The following KCNH7 variants were observed in gnomAD, a reference collection of about 807,000 sequenced individuals.
KCNH7 encodes the protein potassium voltage-gated channel subfamily H member 7, also known as voltage-gated inwardly rectifying potassium channel KCNH7.
In KCNH7, 49 loss-of-function variants were observed where a neutral mutation model predicts 120.8. The ratio of observed to expected loss-of-function variants is 0.41; its 90% CI spans 0.32 to 0.51. KCNH7 has a LOEUF of 0.51. Among genes scored for constraint, KCNH7 ranks in the 20% least tolerant of loss-of-function variants. The pLI, the probability that KCNH7 is intolerant of heterozygous loss-of-function variation, is 0.38. For synonymous variants in KCNH7, 547 were observed against 516.1 expected (o/e 1.06, Z -0.81); for missense variants, 1,097 against 1,446.6 (o/e 0.76, Z 3.92).
At position 162,504,425 on chromosome 2, in the gene KCNH7, A is replaced by C; in HGVS notation, c.1128+18T>G. The C allele has an allele frequency of 6.4e-7, 1 of 1,570,402 alleles. No homozygotes were observed. Among genetic ancestry groups the C allele is most frequent in the Non-Finnish European group, 8.8e-7 (1 of 1,141,006 alleles). ...AACCTCTAAAACAGTTGAAATTGAT[A>C]AGAAAATTGTGTCCTACCTGGGTCA... On this transcript the variant is annotated intron_variant, in intron 6 of 15. Coordinates refer to ENST00000332142, the MANE Select transcript of KCNH7 (RefSeq NM_033272.4).
intron 2 of KCNH7, among the ~76,000 whole-genome samples, chr2:162,586,406 C>T (rs1694022245): frequency 6.6e-6 from 1 of 152,098 alleles, no homozygotes; most frequent in African/African-American, 2.4e-5. Flanking sequence ...CCTGGCCATC[C>T]CAGCCATCCC....
intron 2 of KCNH7, among the ~76,000 whole-genome samples, chr2:162,541,569 C>T (rs1221095825): frequency 3.3e-5 from 5 of 152,026 alleles, no homozygotes; most frequent in Admixed American, 2.6e-4. Context: ...AGCCATTATC[C>T]TCAGCAAAGT....
intron 2 of KCNH7, among the ~76,000 whole-genome samples, chr2:162,669,402 A>T (rs1685257500): frequency 6.6e-6 from 1 of 152,238 alleles, no homozygotes. Context: ...AAGCAACAAC[A>T]GAAGCCAAAA....
intron 2 of KCNH7, among the ~76,000 whole-genome samples, chr2:162,727,135 A>G (rs1687557311): frequency 6.6e-6 from 1 of 152,204 alleles, no homozygotes; most frequent in Admixed American, 6.5e-5. Context: ...TCTTTCTCCC[A>G]TAATCTACTC....
chr2:162,819,542 T>C (rs140344605), intron 2 of KCNH7, among the ~76,000 whole-genome samples: 234 of 152,296 alleles, frequency 1.5e-3, no homozygotes, highest in African/African-American at 5.5e-3. Flanking sequence ...GAAATAGAAA[T>C]TTTAATTAAA....
At chr2:162,632,219 A>G (rs780435318) in intron 2 of KCNH7, among the ~76,000 whole-genome samples, 8 of 152,000 alleles carry the variant, frequency 5.3e-5, no homozygotes, top group Non-Finnish European at 7.4e-5. Context: ...AAGCAGGAAT[A>G]CCCAATTAGA....
At chr2:162,745,978 T>G (rs908152548) in intron 2 of KCNH7, among the ~76,000 whole-genome samples, 2 of 152,098 alleles carry the variant, frequency 1.3e-5, no homozygotes, top group Non-Finnish European at 2.9e-5. Flanking sequence ...GAAACTGATG[T>G]AACTTTATAA....
Position 162,838,606 on chromosome 2 carries a change from G to C in KCNH7, c.-88C>G. On this transcript the variant is annotated 5_prime_UTR_variant, in exon 1 of 16. Transcript: ENST00000332142. ...TCGGCTAGAGCCCAGGCCAGCGCGC[G>C]AGCCGCTCTTTGTGGCAGAGCATCC... is the stretch of plus-strand genomic sequence containing the variant. 1 of 1,063,054 alleles carries C rather than the reference G, an allele frequency of 9.4e-7. No individual in the cohort carries two copies. The allele number at this position is 1,063,054 out of a possible 1,614,324, so 65.9% of individuals were successfully genotyped here.
rs568464851 is a variant in KCNH7, at chr2:162,569,783, ATG to A, written c.308-32705_308-32704del. Among the ~76,000 whole-genome samples, 140 of 148,846 alleles carry A rather than the reference ATG, an allele frequency of 9.4e-4. 1 individual carries two copies. Among genetic ancestry groups the A allele is most frequent in the African/African-American group, 3.3e-3 (132 of 40,068 alleles). ...TCTTTATTTCTGCCTTCATTTCGTT[ATG>A]TACCCAGTAGTCATTCAGGAGCAGG... On this transcript the variant is annotated intron_variant, in intron 2 of 15. Transcript: ENST00000332142.
intron 8 of KCNH7, among the ~76,000 whole-genome samples, chr2:162,433,878 G>A (rs1057204400): frequency 2.0e-5 from 3 of 151,924 alleles, no homozygotes; most frequent in African/African-American, 4.8e-5. Flanking sequence ...CCATTACTGG[G>A]TATATACCTG....
At position 162,807,786 on chromosome 2, in the gene KCNH7, G is replaced by A. The variant is rs954926188; in HGVS notation, c.307+28751C>T. Among the ~76,000 whole-genome samples the A allele has an allele frequency of 2.6e-5, 4 of 152,064 alleles. No homozygotes were observed. In the East Asian group the frequency reaches 7.8e-4, roughly 30 times the overall value. The stretch of plus-strand genomic sequence containing the variant: ...CAACCTCCGCCTCCCAGGTTCAAGC[G>A]ATTCTCCTGCCTCAGCCTCCCAAGC... On this transcript the variant is annotated intron_variant, in intron 2 of 15. Coordinates refer to ENST00000332142, the MANE Select transcript of KCNH7 (RefSeq NM_033272.4).
At chr2:162,687,872 T>C (rs1165542801) in intron 2 of KCNH7, among the ~76,000 whole-genome samples, 1 of 152,124 alleles carries the variant, frequency 6.6e-6, no homozygotes, top group East Asian at 1.9e-4. Flanking sequence ...TTCTAGTAAA[T>C]AAAAACTATG....
At chr2:162,519,740 C>A (rs551307400) in intron 3 of KCNH7, among the ~76,000 whole-genome samples, 1 of 151,908 alleles carries the variant, frequency 6.6e-6, no homozygotes, top group South Asian at 2.1e-4. Flanking sequence ...TTATCCATGG[C>A]TTTACAATTA....
rs768563079 is a variant in KCNH7 at position 162,838,569 on chromosome 2, C to A, written c.-51G>T. 1.6e-5 allele frequency: 24 copies of A among 1,471,714 alleles called. No homozygotes were observed. In the East Asian group the frequency reaches 4.5e-4, roughly 28 times the overall value. 91.2% of individuals were successfully genotyped at this position (1,471,714 alleles called of 1,614,324 possible). On this transcript the variant is annotated 5_prime_UTR_variant, in exon 1 of 16. Transcript: ENST00000332142. ...CTCCCCCGGAGCTCTGGAGTTCTCC[C>A]GGGATCTCTCCTCGGCTAGAGCCCA...
chr2:162,796,500 T>A (rs1019633452), intron 2 of KCNH7: 1 of 152,134 alleles, frequency 6.6e-6, no homozygotes, highest in Non-Finnish European at 1.5e-5. Context: ...TCACTAACGA[T>A]AGCTAGTTTA....
chr2:162,627,356 A>G (rs1056266836), intron 2 of KCNH7, among the ~76,000 whole-genome samples: 2 of 152,198 alleles, frequency 1.3e-5, no homozygotes, highest in Non-Finnish European at 2.9e-5. Flanking sequence ...TTAACTTATC[A>G]ATGCCATAGT....
chr2:162,569,609 T>C (rs1168702158), intron 2 of KCNH7, among the ~76,000 whole-genome samples: 6 of 147,844 alleles, frequency 4.1e-5, no homozygotes, highest in Non-Finnish European at 6.0e-5. Flanking sequence ...CTAGTTCTTT[T>C]AATTGTGATG....
chr2:162,553,619 A>G (rs992868472), intron 2 of KCNH7, among the ~76,000 whole-genome samples: 6 of 152,184 alleles, frequency 3.9e-5, no homozygotes, highest in African/African-American at 1.4e-4. Flanking sequence ...ACTGCGGTCC[A>G]TCCTGGGCAA....
At chr2:162,515,114 A>G (rs556485161) in intron 4 of KCNH7, among the ~76,000 whole-genome samples, 16 of 151,854 alleles carry the variant, frequency 1.1e-4, no homozygotes, top group Admixed American at 9.8e-4. Context: ...TGTAGCTAAA[A>G]TTTCTTTAAA....
Sources: gnomAD v4.1 joint callset for allele counts (sites outside exome capture counted in the v4.1 genomes callset) on GRCh38, gnomAD v4.1.1 for gene constraint, MANE v1.5 for transcripts, NCBI Gene and HGNC (gene_info 2026-07-23, HGNC 2026-07-21) for gene names.